CHD7: variants seen among roughly 807,000 people sequenced by gnomAD.
CHD7 encodes the protein ATP-dependent chromatin remodeler CHD7.
A neutral mutation model predicts 307.3 loss-of-function variants in CHD7; 24 were observed. The ratio of observed to expected loss-of-function variants is 0.08; its 90% CI spans 0.06 to 0.11. The LOEUF (loss-of-function observed/expected upper bound fraction) is 0.11, where lower values mean the gene tolerates loss of function less well. CHD7 is among the 10% of genes least tolerant of loss of function. The pLI is 1.00. For synonymous variants in CHD7, 1,363 were observed against 1,349.9 expected (o/e 1.01, Z -0.21); for missense variants, 3,106 against 3,727.1 (o/e 0.83, Z 4.34).
At chr8:60,856,246 C>T in intron 33 of CHD7, 44 bp downstream of exon 33, 3 of 1,449,954 alleles carry the variant, frequency 2.1e-6, no homozygotes, top group Non-Finnish European at 2.8e-6. Context: ...AGGGAGCTCT[C>T]TAAGCCTTAA....
chr8:60,709,792 A>T (rs866958091), intron 1 of CHD7, among the ~76,000 whole-genome samples: 1 of 152,216 alleles, frequency 6.6e-6, no homozygotes, highest in Non-Finnish European at 1.5e-5. Flanking sequence ...TACTTTAAAT[A>T]CAATTTTCAA....
chr8:60,795,866 G>A (rs1759238057), intron 4 of CHD7, among the ~76,000 whole-genome samples: 1 of 152,214 alleles, frequency 6.6e-6, no homozygotes, highest in African/African-American at 2.4e-5. Flanking sequence ...GGATGGCTGG[G>A]AATGTAACTT....
At chr8:60,710,059 G>C (rs72650456) in intron 1 of CHD7, among the ~76,000 whole-genome samples, 256 of 151,052 alleles carry the variant, frequency 1.7e-3, no homozygotes, top group Non-Finnish European at 2.8e-3. Context: ...TTGGGGGAGA[G>C]AATTCTCCCA....
At chr8:60,773,195 TACTC>T (rs1355744146) in intron 2 of CHD7, among the ~76,000 whole-genome samples, 1 of 152,242 alleles carries the variant, frequency 6.6e-6, no homozygotes, top group East Asian at 1.9e-4. Flanking sequence ...TCTAGGAAGT[TACTC>T]ACTCTTACTG....
intron 2 of CHD7, among the ~76,000 whole-genome samples, chr8:60,763,804 C>T (rs1238578978): frequency 4.6e-5 from 7 of 152,208 alleles, no homozygotes; most frequent in Admixed American, 2.6e-4. Context: ...CATCCTGTCA[C>T]TACTCCCATC....
intron 2 of CHD7, among the ~76,000 whole-genome samples, chr8:60,759,650 G>A (rs1286101270): frequency 6.6e-6 from 1 of 152,154 alleles, no homozygotes; most frequent in Non-Finnish European, 1.5e-5. Context: ...GTAAGCCCCC[G>A]TCAGTCATGC....
rs1804096179 is a variant in CHD7, at chr8:60,822,596, C to A, written c.3051C>A (p.Gly1017=). ...AGATATATTTGAAAGGAATCCATGGCCCTTTTTTAGTAATTGCCCCATTGT... is the reference window on the plus strand; with the variant it reads ...AGATATATTTGAAAGGAATCCATGGACCTTTTTTAGTAATTGCCCCATTGT... ...LYEIYLKGIH[G]PFLVIAPLST... The change falls in exon 12 of 38, where the codon GGC becomes GGA. Residue 1017 remains glycine, a synonymous_variant. Coordinates refer to ENST00000423902, the MANE Select transcript of CHD7 (RefSeq NM_017780.4). The A allele has an allele frequency of 3.1e-6, 5 of 1,613,686 alleles. No homozygotes were observed. The highest frequency in any genetic ancestry group is 4.2e-6 in the Non-Finnish European group (5 of 1,179,756).
At chr8:60,746,069 T>C (rs538309993) in intron 2 of CHD7, among the ~76,000 whole-genome samples, 1 of 152,330 alleles carries the variant, frequency 6.6e-6, no homozygotes, top group South Asian at 2.1e-4. Context: ...GAAGTCTCAC[T>C]CTGTTGCCAG....
At chr8:60,812,662 C>CAA (rs143111740) in intron 7 of CHD7, among the ~76,000 whole-genome samples, 1,211 of 81,910 alleles carry the variant, frequency 0.015, 21 homozygotes, top group African/African-American at 0.038. Context: ...GACTACATCT[C>CAA]AAAAAAAAAA....
At chr8:60,709,288 G>A (rs889846463) in intron 1 of CHD7, among the ~76,000 whole-genome samples, 2 of 152,110 alleles carry the variant, frequency 1.3e-5, no homozygotes, top group African/African-American at 4.8e-5. Flanking sequence ...CCTTAAAAAG[G>A]GAATCTTGTG....
chr8:60,727,388 CA>C (rs1263628335), intron 1 of CHD7, among the ~76,000 whole-genome samples: 2 of 152,158 alleles, frequency 1.3e-5, no homozygotes, highest in African/African-American at 2.4e-5. Flanking sequence ...CTTGGCCTCC[CA>C]AAGTGTTGAG....
At chr8:60,816,811 G>A (rs1803770532) in intron 8 of CHD7, among the ~76,000 whole-genome samples, 1 of 152,228 alleles carries the variant, frequency 6.6e-6, no homozygotes, top group African/African-American at 2.4e-5. Flanking sequence ...GTTCTATTGA[G>A]ATTTAGCAGG....
chr8:60,833,352 A>C (rs1390776591), intron 15 of CHD7, among the ~76,000 whole-genome samples: 4 of 152,234 alleles, frequency 2.6e-5, no homozygotes, highest in Non-Finnish European at 5.9e-5. Flanking sequence ...GTTAAGAATA[A>C]TGTTGAAAAC....
chr8:60,694,482 A>G (rs1222311540), intron 1 of CHD7, among the ~76,000 whole-genome samples: 6 of 152,238 alleles, frequency 3.9e-5, no homozygotes, highest in African/African-American at 1.4e-4. Flanking sequence ...TATAGTGGAG[A>G]AAGAAATCAG....
intron 1 of CHD7, among the ~76,000 whole-genome samples, chr8:60,737,071 T>C (rs1428965497): frequency 1.3e-5 from 2 of 152,086 alleles, no homozygotes; most frequent in Non-Finnish European, 2.9e-5. Context: ...ATATTAATAT[T>C]TTCAGTGACA....
At chr8:60,838,722 C>A (rs560733410) in intron 19 of CHD7, among the ~76,000 whole-genome samples, 12 of 152,204 alleles carry the variant, frequency 7.9e-5, no homozygotes, top group Non-Finnish European at 1.3e-4. Flanking sequence ...CCTCTACTGT[C>A]TCCCTTTCTA....
intron 2 of CHD7, among the ~76,000 whole-genome samples, chr8:60,756,577 T>C (rs981180689): frequency 6.6e-6 from 1 of 152,312 alleles, no homozygotes; most frequent in African/African-American, 2.4e-5. Context: ...TCTGGGGGGC[T>C]GAGGCAGGAG....
At chr8:60,679,855 G>A (rs1176711988) in intron 1 of CHD7, 1 of 150,980 alleles carries the variant, frequency 6.6e-6, no homozygotes, top group Non-Finnish European at 1.5e-5. Flanking sequence ...CGAACACGCG[G>A]CGCGGGAGGC....
At chr8:60,766,398 G>A (rs1171444013) in intron 2 of CHD7, among the ~76,000 whole-genome samples, 2 of 152,230 alleles carry the variant, frequency 1.3e-5, no homozygotes, top group African/African-American at 2.4e-5. Flanking sequence ...TGAGGGAGAT[G>A]GGAAGGTACT....
Sources: allele counts gnomAD v4.1 joint callset (sites outside exome capture counted in the v4.1 genomes callset), GRCh38; gene constraint gnomAD v4.1.1; transcripts MANE v1.5; gene names NCBI Gene and HGNC (gene_info 2026-07-23, HGNC 2026-07-21).